The following WWOX variants were observed in gnomAD, a reference collection of about 807,000 sequenced individuals.
WWOX encodes WW domain containing oxidoreductase.
Under a neutral mutation model 46.2 loss-of-function variants are expected in WWOX, and 69 were observed. The observed-to-expected ratio is 1.49, with a 90% confidence interval of 1.23 to 1.82. WWOX has a LOEUF of 1.82. Ranked by LOEUF, WWOX falls within the 40% of genes most tolerant of loss-of-function variation. The pLI is 0.00. For synonymous variants in WWOX, 359 were observed against 202.6 expected (o/e 1.77, Z -6.56); for missense variants, 919 against 542.6 (o/e 1.69, Z -6.89).
intron 8 of WWOX, among the ~76,000 whole-genome samples, chr16:78,820,594 T>A (rs192303262): frequency 1.3e-5 from 2 of 152,128 alleles, no homozygotes; most frequent in African/African-American, 4.8e-5. Context: ...CCTTGAAATA[T>A]AATGACAACC....
chr16:78,821,366 G>T (rs2051488283), intron 8 of WWOX, among the ~76,000 whole-genome samples: 1 of 152,152 alleles, frequency 6.6e-6, no homozygotes. Context: ...CACAACAGGT[G>T]TATGTGGCCT....
intron 8 of WWOX, among the ~76,000 whole-genome samples, chr16:79,067,527 C>T (rs2048464055): frequency 6.6e-6 from 1 of 151,214 alleles, no homozygotes; most frequent in Non-Finnish European, 1.5e-5. Context: ...CGGACATCTC[C>T]TCACTAGAGA....
intron 8 of WWOX, among the ~76,000 whole-genome samples, chr16:78,768,448 G>C (rs748002821): frequency 2.4e-4 from 36 of 152,010 alleles, no homozygotes; most frequent in Non-Finnish European, 2.6e-4. Context: ...CAATTAGCCA[G>C]GTGTGGTGGC....
intron 8 of WWOX, among the ~76,000 whole-genome samples, chr16:79,118,882 A>G (rs1028589582): frequency 9.2e-5 from 14 of 152,252 alleles, no homozygotes; most frequent in Admixed American, 7.9e-4. Context: ...GTGATAGTCC[A>G]CAGAGGGGAA....
intron 5 of WWOX, among the ~76,000 whole-genome samples, chr16:78,192,064 A>C (rs920738412): frequency 1.3e-5 from 2 of 152,204 alleles, no homozygotes; most frequent in Admixed American, 6.5e-5. Flanking sequence ...TTTATAAAAG[A>C]GGGACAAAAA....
At position 78,339,000 on chromosome 16, in the gene WWOX, T is replaced by G. The variant is rs1281800724; in HGVS notation, c.517-47860T>G. 1.7e-5 allele frequency among the ~76,000 whole-genome samples: 2 copies of G among 120,572 alleles called. 1 individual carries two copies. The highest frequency in any genetic ancestry group is 4.0e-5 in the Non-Finnish European group (2 of 50,522). The allele number at this position is 120,572 out of a possible 152,430, so 79.1% of individuals were successfully genotyped here. A position where few individuals can be genotyped will look rare whatever the true frequency, so the allele number is the denominator to read the frequency against. On this transcript the variant is annotated intron_variant, in intron 5 of 8. Transcript: ENST00000566780. ...CTTTAAGTAATTGCATGTAAACTGTTACTTCTTCATTTTCTAGTCTTAGAT... is the reference window on the plus strand; with the variant it reads ...CTTTAAGTAATTGCATGTAAACTGTGACTTCTTCATTTTCTAGTCTTAGAT...
At chr16:78,329,857 C>G (rs1256908924) in intron 5 of WWOX, among the ~76,000 whole-genome samples, 1 of 151,858 alleles carries the variant, frequency 6.6e-6, no homozygotes, top group Non-Finnish European at 1.5e-5. Context: ...AGTGATTCTC[C>G]CACCTCAACC....
intron 8 of WWOX, among the ~76,000 whole-genome samples, chr16:78,656,650 C>G (rs2047087870): frequency 6.6e-6 from 1 of 152,190 alleles, no homozygotes; most frequent in South Asian, 2.1e-4. Context: ...CGGGCCCCTC[C>G]TCCAACATTG....
At chr16:78,699,516 GT>G (rs1300002101) in intron 8 of WWOX, among the ~76,000 whole-genome samples, 12 of 152,316 alleles carry the variant, frequency 7.9e-5, no homozygotes, top group African/African-American at 2.2e-4. Flanking sequence ...TCCCACATGG[GT>G]GACAGAGTGA....
At chr16:79,164,707 G>C (rs1468086095) in intron 8 of WWOX, among the ~76,000 whole-genome samples, 1 of 152,142 alleles carries the variant, frequency 6.6e-6, no homozygotes, top group East Asian at 1.9e-4. Flanking sequence ...TTAAATACTG[G>C]AGTGTCAGCG....
intron 3 of WWOX, among the ~76,000 whole-genome samples, chr16:78,113,562 C>A (rs1044518467): frequency 1.3e-5 from 2 of 152,136 alleles, no homozygotes; most frequent in Non-Finnish European, 2.9e-5. Context: ...AATTGGCTCC[C>A]CTGGCTAGTT....
At chr16:78,939,522 A>G (rs936922782) in intron 8 of WWOX, among the ~76,000 whole-genome samples, 5 of 152,378 alleles carry the variant, frequency 3.3e-5, no homozygotes, top group Non-Finnish European at 1.5e-5. Context: ...TCTGATGAAT[A>G]AAGCAGGAGA....
Position 78,528,165 on chromosome 16 carries a change from A to ATTT in WWOX, c.1056+95433_1056+95435dup, listed in dbSNP as rs56803717. Among the ~76,000 whole-genome samples the ATTT allele has an allele frequency of 2.4e-3, 140 of 58,398 alleles. 6 individuals carry two copies. The highest frequency in any genetic ancestry group is 4.8e-3 in the African/African-American group (57 of 11,962). 38.3% of individuals were successfully genotyped at this position (58,398 alleles called of 152,430 possible). A position where few individuals can be genotyped will look rare whatever the true frequency, so the allele number is the denominator to read the frequency against. On this transcript the variant is annotated intron_variant, in intron 8 of 8. Coordinates refer to ENST00000566780, the MANE Select transcript of WWOX (RefSeq NM_016373.4). Reference sequence around the variant, plus strand: ...AGGTGCCCGCCACCACACCTGGCTAATTTTTTTTTTTTTTTTTTTTTTGCA... The same window carrying ATTT: ...AGGTGCCCGCCACCACACCTGGCTAATTTTTTTTTTTTTTTTTTTTTTTTTGCA...
At chr16:78,431,562 A>G (rs2083217808) in intron 7 of WWOX, among the ~76,000 whole-genome samples, 1 of 152,158 alleles carries the variant, frequency 6.6e-6, no homozygotes, top group Non-Finnish European at 1.5e-5. Flanking sequence ...GTTTAATTTA[A>G]TTATCTTTGA....
intron 8 of WWOX, among the ~76,000 whole-genome samples, chr16:78,518,421 A>G (rs563316343): frequency 6.6e-6 from 1 of 152,154 alleles, no homozygotes; most frequent in African/African-American, 2.4e-5. Context: ...GGATTTCACC[A>G]TGTTGGCCAG....
intron 8 of WWOX, among the ~76,000 whole-genome samples, chr16:78,585,108 T>C (rs1019086609): frequency 6.6e-6 from 1 of 152,192 alleles, no homozygotes; most frequent in African/African-American, 2.4e-5. Context: ...AAAAAGAAAT[T>C]CTTTAGCCAT....
In WWOX at chr16:78,142,008, T is replaced by A. The variant is rs952545265; in HGVS notation, c.410-22175T>A. ...TTTTAAATTTCTTTTTTTTTTTTTT[T>A]AAAGATGGTGCTCCCTAACTGATTT... On this transcript the variant is annotated intron_variant, in intron 4 of 8. Coordinates refer to ENST00000566780, the MANE Select transcript of WWOX (RefSeq NM_016373.4). 1.8e-3 allele frequency among the ~76,000 whole-genome samples: 238 copies of A among 133,950 alleles called. 2 individuals carry two copies. The highest frequency in any genetic ancestry group is 4.4e-4 in the Non-Finnish European group (27 of 61,950). The allele number at this position is 133,950 out of a possible 152,430, so 87.9% of individuals were successfully genotyped here.
chr16:78,556,218 G>A (rs2044292844), intron 8 of WWOX, among the ~76,000 whole-genome samples: 1 of 151,180 alleles, frequency 6.6e-6, no homozygotes, highest in South Asian at 2.1e-4. Context: ...TGCATCAGAT[G>A]CAAGGGAGTT....
At chr16:78,367,604 C>T (rs964322975) in intron 5 of WWOX, among the ~76,000 whole-genome samples, 4 of 152,098 alleles carry the variant, frequency 2.6e-5, no homozygotes, top group Non-Finnish European at 2.9e-5. Context: ...AAAGTATTTA[C>T]GGATGTGGCC....
Sources: allele counts gnomAD v4.1 joint callset (sites outside exome capture counted in the v4.1 genomes callset), GRCh38; gene constraint gnomAD v4.1.1; transcripts MANE v1.5; gene names NCBI Gene and HGNC (gene_info 2026-07-23, HGNC 2026-07-21).